The following SYNE2 variants were observed in gnomAD, a reference collection of about 807,000 sequenced individuals.
SYNE2 encodes the protein spectrin repeat containing nuclear envelope protein 2.
Under a neutral mutation model 856.3 loss-of-function variants are expected in SYNE2, and 431 were observed. The ratio of observed to expected loss-of-function variants is 0.50; its 90% CI spans 0.47 to 0.55. The LOEUF (loss-of-function observed/expected upper bound fraction) is 0.55, where lower values mean the gene tolerates loss of function less well. Among genes scored for constraint, SYNE2 ranks in the 20% least tolerant of loss-of-function variants. The pLI is 0.00. For synonymous variants in SYNE2, 2,923 were observed against 2,872.3 expected (o/e 1.02, Z -0.56); for missense variants, 8,129 against 8,023.2 (o/e 1.01, Z -0.50).
rs549504893 is a variant in SYNE2, at chr14:63,970,450, G to C, written c.1128+2604G>C. 3.9e-5 allele frequency among the ~76,000 whole-genome samples: 6 copies of C among 152,114 alleles called. No individual in the cohort carries two copies. In the South Asian group the frequency reaches 1.2e-3, roughly 32 times the overall value. Reference sequence around the variant, plus strand: ...GCAATGCCCCTGAATTAGAATTTTGGGCCTCCCAAAGTGTTGGGATTACAG... The same window carrying C: ...GCAATGCCCCTGAATTAGAATTTTGCGCCTCCCAAAGTGTTGGGATTACAG... On this transcript the variant is annotated intron_variant, in intron 11 of 115. Coordinates refer to ENST00000555002, the MANE Select transcript of SYNE2 (RefSeq NM_182914.3).
At chr14:64,050,506 G>A (rs1470512436) in intron 47 of SYNE2, among the ~76,000 whole-genome samples, 2 of 152,106 alleles carry the variant, frequency 1.3e-5, no homozygotes, top group African/African-American at 4.8e-5. Flanking sequence ...ATGGAATTCA[G>A]TATTATTTTT....
intron 61 of SYNE2, among the ~76,000 whole-genome samples, chr14:64,094,515 C>CT (rs113124134): frequency 6.6e-6 from 1 of 151,738 alleles, no homozygotes; most frequent in Non-Finnish European, 1.5e-5. Context: ...TAGAGAGCTG[C>CT]TTTTTTTTCT....
At chr14:64,185,807 C>A (rs1224006991) in intron 96 of SYNE2, among the ~76,000 whole-genome samples, 1 of 152,192 alleles carries the variant, frequency 6.6e-6, no homozygotes, top group Non-Finnish European at 1.5e-5. Flanking sequence ...AGGTGTGAGC[C>A]ACTGAGCCCA....
chr14:63,812,205 C>T (rs749222456), intron 1 of SYNE2, among the ~76,000 whole-genome samples: 91 of 152,270 alleles, frequency 6.0e-4, no homozygotes, highest in Non-Finnish European at 1.0e-3. Context: ...CCCAGGAATG[C>T]ATTCCTTTCC....
intron 9 of SYNE2, 128 bp downstream of exon 9, chr14:63,961,753 A>G (rs1194369252): frequency 1.4e-6 from 1 of 718,418 alleles, no homozygotes; most frequent in Non-Finnish European, 2.5e-6. Flanking sequence ...CACCCCTGTA[A>G]ATCATACTTC....
intron 19 of SYNE2, among the ~76,000 whole-genome samples, chr14:63,989,604 C>T (rs1463175493): frequency 6.6e-6 from 1 of 152,026 alleles, no homozygotes; most frequent in African/African-American, 2.4e-5. Flanking sequence ...TCCCAAAGTG[C>T]TGGTATTACA....
intron 53 of SYNE2, 30 bp downstream of exon 53, chr14:64,074,166 C>T (rs748756391): frequency 1.9e-6 from 3 of 1,603,836 alleles, no homozygotes; most frequent in Non-Finnish European, 2.6e-6. Flanking sequence ...GTGAATGTGG[C>T]AGGTACAGGC....
chr14:63,819,344 G>A (rs1889125402), intron 1 of SYNE2, among the ~76,000 whole-genome samples: 1 of 151,910 alleles, frequency 6.6e-6, no homozygotes, highest in Non-Finnish European at 1.5e-5. Flanking sequence ...CAATTCTCCT[G>A]CCTCAGCCTC....
At chr14:64,147,908 G>A (rs531809150) in intron 84 of SYNE2, among the ~76,000 whole-genome samples, 14 of 152,302 alleles carry the variant, frequency 9.2e-5, no homozygotes, top group East Asian at 5.8e-4. Flanking sequence ...TCTTATAGCC[G>A]TTCAAGTAGG....
At chr14:64,165,940 G>C (rs190242687) in intron 90 of SYNE2, among the ~76,000 whole-genome samples, 23 of 152,252 alleles carry the variant, frequency 1.5e-4, no homozygotes, top group African/African-American at 5.1e-4. Context: ...TGTAGTAGAT[G>C]TTTTTTCATA....
chr14:63,894,151 T>C (rs1236045795), intron 1 of SYNE2, among the ~76,000 whole-genome samples: 1 of 152,198 alleles, frequency 6.6e-6, no homozygotes, highest in African/African-American at 2.4e-5. Context: ...TTTTTGAAGA[T>C]GCATGTGATG....
chr14:63,941,163 G>A (rs2153416688), intron 3 of SYNE2, among the ~76,000 whole-genome samples: 1 of 152,252 alleles, frequency 6.6e-6, no homozygotes, highest in African/African-American at 2.4e-5. Flanking sequence ...TGATAGTGCT[G>A]GGATATGAAC....
intron 32 of SYNE2, among the ~76,000 whole-genome samples, chr14:64,013,131 A>G (rs1555429293): frequency 6.6e-6 from 1 of 152,198 alleles, no homozygotes; most frequent in Non-Finnish European, 1.5e-5. Context: ...AACAAAACCC[A>G]TAGTTCTGCC....
At chr14:64,189,922 CAA>C in intron 98 of SYNE2, 147 bp from the exon 99 acceptor site, 1 of 889,506 alleles carries the variant, frequency 1.1e-6, no homozygotes, top group South Asian at 1.7e-5. Context: ...CTCGGCTTCC[CAA>C]ACTGCTGGGA....
intron 45 of SYNE2, among the ~76,000 whole-genome samples, chr14:64,040,616 G>A (rs976359630): frequency 1.6e-4 from 17 of 109,202 alleles, no homozygotes; most frequent in African/African-American, 4.1e-4. Context: ...ATATATATAT[G>A]TATATACATA....
chr14:63,887,649 G>C (rs2095026249), intron 1 of SYNE2, among the ~76,000 whole-genome samples: 1 of 152,034 alleles, frequency 6.6e-6, no homozygotes, highest in Non-Finnish European at 1.5e-5. Flanking sequence ...GAGCAGCAAG[G>C]AACTGGTTTT....
chr14:64,074,095 A>G lies in SYNE2; in HGVS notation c.10825A>G (p.Met3609Val), dbSNP rs1202966904. ...FQQTTTSFQN[M>V]AFQDHPEKSE... is the part of the protein sequence containing the mutation. ...ACAGACCACAACTTCATTCCAAAAT[A>G]TGGCATTCCAGGATCACCCAGAAAA... Residue 3609 changes from methionine (M) to valine (V), a missense_variant, in exon 53 of 116, where the codon ATG becomes GTG. This residue lies in a region of SYNE2 where 5,410 missense variants were observed against 5,284.8 expected (regional missense o/e 1.02). Coordinates refer to ENST00000555002, the MANE Select transcript of SYNE2 (RefSeq NM_182914.3). 1.9e-6 allele frequency: 3 copies of G among 1,614,098 alleles called. No homozygotes were observed. The highest frequency in any genetic ancestry group is 2.7e-5 in the African/African-American group (2 of 74,950).
At chr14:64,011,434 G>C (rs1026721265) in intron 32 of SYNE2, among the ~76,000 whole-genome samples, 1 of 152,068 alleles carries the variant, frequency 6.6e-6, no homozygotes, top group Non-Finnish European at 1.5e-5. Flanking sequence ...TGGTTTCCTA[G>C]GTTCTTAGAG....
chr14:63,898,578 T>G (rs1488891678), intron 1 of SYNE2, among the ~76,000 whole-genome samples: 3 of 150,436 alleles, frequency 2.0e-5, no homozygotes, highest in African/African-American at 2.4e-5. Context: ...TTAATTTTTG[T>G]TTTTTTTTGT....
Sources: gnomAD v4.1 joint callset for allele counts (sites outside exome capture counted in the v4.1 genomes callset) on GRCh38, gnomAD v4.1.1 for gene constraint, gnomAD v4.1.1 regional missense constraint, MANE v1.5 for transcripts, NCBI Gene and HGNC (gene_info 2026-07-23, HGNC 2026-07-21) for gene names.